The following ENPP4 variants were observed in gnomAD, a reference collection of about 807,000 sequenced individuals.
ENPP4 encodes the protein bis(5'-adenosyl)-triphosphatase ENPP4.
ENPP4 carries 18 observed loss-of-function variants against 33.4 expected under a neutral mutation model. The ratio of observed to expected loss-of-function variants is 0.54; its 90% CI spans 0.37 to 0.80. The LOEUF (loss-of-function observed/expected upper bound fraction) is 0.80, where lower values mean the gene tolerates loss of function less well. ENPP4 is among the 30% of genes least tolerant of loss of function. The pLI, the probability that ENPP4 is intolerant of heterozygous loss-of-function variation, is 0.00. For missense variants in ENPP4, 480 were observed against 541.7 expected (o/e 0.89, Z 1.13); for synonymous variants, 172 against 189.9 (o/e 0.91, Z 0.78).
intron 3 of ENPP4, among the ~76,000 whole-genome samples, chr6:46,143,035 A>C (rs1764090364): frequency 6.6e-6 from 1 of 151,552 alleles, no homozygotes; most frequent in East Asian, 1.9e-4. Context: ...CATCAGGTTG[A>C]CAAGTGGTGG....
In ENPP4 at chr6:46,139,717, A is replaced by G. The variant is rs577737209; in HGVS notation, c.134A>G (p.Glu45Gly). The G allele has an allele frequency of 1.8e-5, 29 of 1,611,298 alleles. No individual in the cohort carries two copies. In the Admixed American group the frequency reaches 4.9e-4, roughly 27 times the overall value. ...GFRADYLKNYEFPHLQNFIKE... is the reference protein window; with the variant it reads ...GFRADYLKNYGFPHLQNFIKE... ...AGAGCTGATTATCTGAAGAACTATG[A>G]ATTTCCTCATCTCCAGAATTTTATC... The change falls in exon 2 of 4, where the codon GAA becomes GGA. Residue 45 changes from glutamate (E) to glycine (G), a missense_variant. Physicochemically the swap from Glu to Gly is moderately conservative, Grantham distance 98 (BLOSUM62 -2). Transcript: ENST00000321037.
At chr6:46,140,551 C>G in intron 2 of ENPP4, 142 bp downstream of exon 2, 1 of 570,750 alleles carries the variant, frequency 1.8e-6, no homozygotes, top group South Asian at 2.7e-5. Context: ...TTTTTTTCCT[C>G]TTGTTTACAA....
chr6:46,145,020 A>C lies in ENPP4; in HGVS notation c.*1380A>C. ...ACTAGGTTGTGACAGACTAGATTAT[A>C]TTTAGTAGGGGAAAAATTGGGCTCA... On this transcript the variant is annotated 3_prime_UTR_variant, in exon 4 of 4. Transcript: ENST00000321037. 2.5e-6 allele frequency: 1 copy of C among 396,030 alleles called. No homozygotes were observed. The highest frequency in any genetic ancestry group is 3.6e-5 in the East Asian group (1 of 27,986). 24.5% of individuals were successfully genotyped at this position (396,030 alleles called of 1,614,324 possible). A position where few individuals can be genotyped will look rare whatever the true frequency, so the allele number is the denominator to read the frequency against.
intron 1 of ENPP4, among the ~76,000 whole-genome samples, chr6:46,138,668 G>A (rs2179760): frequency 0.45 from 67,953 of 151,620 alleles, 16,500 homozygotes; most frequent in South Asian, 0.68. Context: ...CTGTCCATCT[G>A]AAGTGAATCA....
At chr6:46,130,256 G>A (rs1763871951) in intron 1 of ENPP4, 67 bp downstream of exon 1, 1 of 152,274 alleles carries the variant, frequency 6.6e-6, no homozygotes, top group East Asian at 1.9e-4. Flanking sequence ...GTCCCCTAGG[G>A]GCTTTGAAAA....
rs559465050 is a variant in ENPP4, at chr6:46,144,545, A to G, written c.*905A>G. 1 of 156,394 alleles carries G rather than the reference A, an allele frequency of 6.4e-6. No individual in the cohort carries two copies. The highest frequency in any genetic ancestry group is 2.4e-5 in the African/African-American group (1 of 41,700). The allele number at this position is 156,394 out of a possible 1,614,324, so 9.7% of individuals were successfully genotyped here. A position where few individuals can be genotyped will look rare whatever the true frequency, so the allele number is the denominator to read the frequency against. ...AGGAAAGGTTATTTTTGCACTTCATATTTGTTTACTTTCTCCTAACTCACA... is the reference window on the plus strand; with the variant it reads ...AGGAAAGGTTATTTTTGCACTTCATGTTTGTTTACTTTCTCCTAACTCACA... On this transcript the variant is annotated 3_prime_UTR_variant, in exon 4 of 4. Coordinates refer to ENST00000321037, the MANE Select transcript of ENPP4 (RefSeq NM_014936.5).
intron 1 of ENPP4, among the ~76,000 whole-genome samples, chr6:46,130,676 A>G (rs1018322501): frequency 5.9e-5 from 9 of 152,258 alleles, no homozygotes; most frequent in Non-Finnish European, 1.2e-4. Context: ...CCAAACAATA[A>G]AAGGTACATT....
chr6:46,133,167 A>G lies in ENPP4; in HGVS notation c.-34+2978A>G, dbSNP rs148913479. On this transcript the variant is annotated intron_variant, in intron 1 of 3. Transcript: ENST00000321037. ...AAGGAGTAATGGAGGGAGGTATTTT[A>G]CTATGTAGAAAGTAAGATAAGTGTA... 5.6e-3 allele frequency among the ~76,000 whole-genome samples: 858 copies of G among 152,248 alleles called. 8 individuals are homozygous for G. The highest frequency in any genetic ancestry group is 0.02 in the African/African-American group (827 of 41,536).
At chr6:46,142,299 T>G (rs1347353734) in intron 3 of ENPP4, among the ~76,000 whole-genome samples, 7 of 135,836 alleles carry the variant, frequency 5.2e-5, no homozygotes, top group Non-Finnish European at 9.5e-5. Context: ...ATATATATTC[T>G]TTTCTAATAT....
chr6:46,144,813 C>G lies in ENPP4; in HGVS notation c.*1173C>G. On this transcript the variant is annotated 3_prime_UTR_variant, in exon 4 of 4. Transcript: ENST00000321037. ...TTTAGTATCTTTTGGTCTTTCACAC[C>G]ATTCATATGTTAAGTGGCAGAATAG... 2 of 391,186 alleles carry G rather than the reference C, an allele frequency of 5.1e-6. No homozygotes were observed. The highest frequency in any genetic ancestry group is 9.0e-6 in the Non-Finnish European group (2 of 221,110). 24.2% of individuals were successfully genotyped at this position (391,186 alleles called of 1,614,324 possible). A position where few individuals can be genotyped will look rare whatever the true frequency, so the allele number is the denominator to read the frequency against.
intron 3 of ENPP4, 57 bp downstream of exon 3, chr6:46,141,279 A>G: frequency 2.3e-6 from 3 of 1,301,212 alleles, no homozygotes; most frequent in South Asian, 2.5e-5. Context: ...ATACCTTGTG[A>G]TACTGTTGTG....
At chr6:46,134,309 G>T (rs1013090901) in intron 1 of ENPP4, among the ~76,000 whole-genome samples, 6 of 152,072 alleles carry the variant, frequency 3.9e-5, no homozygotes, top group Non-Finnish European at 5.9e-5. Flanking sequence ...CAGGTTCTGG[G>T]ACCCTTCTGA....
intron 1 of ENPP4, among the ~76,000 whole-genome samples, chr6:46,135,465 T>C (rs1488558698): frequency 6.6e-6 from 1 of 152,108 alleles, no homozygotes; most frequent in Non-Finnish European, 1.5e-5. Context: ...TTGTGTCTTC[T>C]TTGGAGAAAT....
Position 46,143,460 on chromosome 6 carries a change from C to T in ENPP4, c.1182C>T (p.Cys394=). 2 of 1,612,646 alleles carry T rather than the reference C, an allele frequency of 1.2e-6. No individual in the cohort carries two copies. Among genetic ancestry groups the T allele is most frequent in the South Asian group, 1.1e-5 (1 of 91,052 alleles). The part of the protein sequence containing the change: ...PNNGTFGHTK[C]LLVDQWCINL... Reference sequence around the variant, plus strand: ...ATGGGACCTTTGGTCATACTAAGTGCTTGTTAGTTGACCAGTGGTGCATTA... The same window carrying T: ...ATGGGACCTTTGGTCATACTAAGTGTTTGTTAGTTGACCAGTGGTGCATTA... The change falls in exon 4 of 4, where the codon TGC becomes TGT. Residue 394 remains cysteine (C), a synonymous_variant. Coordinates refer to ENST00000321037, the MANE Select transcript of ENPP4 (RefSeq NM_014936.5).
intron 1 of ENPP4, among the ~76,000 whole-genome samples, 196 bp downstream of exon 1, chr6:46,130,385 C>T (rs1200391460): frequency 6.6e-6 from 1 of 152,160 alleles, no homozygotes; most frequent in Non-Finnish European, 1.5e-5. Flanking sequence ...CGGGCCGAGG[C>T]GGAGGCCAGG....
intron 1 of ENPP4, among the ~76,000 whole-genome samples, chr6:46,137,938 GAA>G (rs1763998969): frequency 1.4e-5 from 1 of 72,062 alleles, no homozygotes; most frequent in Non-Finnish European, 3.7e-5. Flanking sequence ...ATGTTTGAAA[GAA>G]AGAGAGAAAG....
chr6:46,143,439 G>A lies in ENPP4; in HGVS notation c.1161G>A (p.Gly387=), dbSNP rs1185476092. 1 of 1,612,762 alleles carries A rather than the reference G, an allele frequency of 6.2e-7. No homozygotes were observed. Among genetic ancestry groups the A allele is most frequent in the Non-Finnish European group, 8.5e-7 (1 of 1,179,116 alleles). Residue 387 remains glycine, a synonymous_variant, in exon 4 of 4, where the codon GGG becomes GGA. Transcript: ENST00000321037. ...ILGLKPHPNN[G]TFGHTKCLLV... The stretch of plus-strand genomic sequence containing the variant: ...GATTAAAACCACATCCCAATAATGG[G>A]ACCTTTGGTCATACTAAGTGCTTGT...
rs1166321635 is a variant in ENPP4, at chr6:46,140,006, A to G, written c.423A>G (p.Val141=). 28 of 1,612,748 alleles carry G rather than the reference A, an allele frequency of 1.7e-5. No homozygotes were observed. In the East Asian group the frequency reaches 6.2e-4, roughly 36 times the overall value. ...SAAAMWPGTD[V]PIHDTISSYF... is the part of the protein sequence containing the mutation. The stretch of plus-strand genomic sequence containing the variant: ...CTGCTATGTGGCCTGGTACTGATGT[A>G]CCCATTCACGATACCATCTCTTCCT... Residue 141 remains valine (V), a synonymous_variant, in exon 2 of 4, where the codon GTA becomes GTG. Transcript: ENST00000321037.
intron 3 of ENPP4, among the ~76,000 whole-genome samples, chr6:46,142,566 A>G (rs1053164923): frequency 2.7e-5 from 4 of 150,424 alleles, no homozygotes; most frequent in Admixed American, 1.3e-4. Flanking sequence ...TTATGATGAA[A>G]TATTTCAAAC....
Sources: gnomAD v4.1 joint callset for allele counts (sites outside exome capture counted in the v4.1 genomes callset) on GRCh38, gnomAD v4.1.1 for gene constraint, MANE v1.5 for transcripts, NCBI Gene and HGNC (gene_info 2026-07-23, HGNC 2026-07-21) for gene names.